The following FAIM2 variants were observed in gnomAD, a reference collection of about 807,000 sequenced individuals.
The protein encoded by FAIM2 is Fas apoptotic inhibitory molecule 2, also known as protein lifeguard 2.
FAIM2 carries 27 observed loss-of-function variants against 47.4 expected under a neutral mutation model. The ratio of observed to expected loss-of-function variants is 0.57; its 90% CI spans 0.42 to 0.78. The LOEUF is 0.78. Among genes scored for constraint, FAIM2 ranks in the 30% least tolerant of loss-of-function variants. The pLI, the probability that FAIM2 is intolerant of heterozygous loss-of-function variation, is 0.00. For synonymous variants in FAIM2, 156 were observed against 159.3 expected (o/e 0.98, Z 0.16); for missense variants, 311 against 389.4 (o/e 0.80, Z 1.69).
chr12:49,880,578 A>G (rs1946813011), intron 11 of FAIM2, among the ~76,000 whole-genome samples: 1 of 123,252 alleles, frequency 8.1e-6, no homozygotes, highest in Admixed American at 8.0e-5. Flanking sequence ...GTATCTGTGC[A>G]TGTGTATATG....
chr12:49,903,623 G>T (rs1289528080), intron 1 of FAIM2, among the ~76,000 whole-genome samples, 155 bp downstream of exon 1: 1 of 152,232 alleles, frequency 6.6e-6, no homozygotes, highest in Non-Finnish European at 1.5e-5. Context: ...CCTTGACACC[G>T]GCCTTTCGGT....
intron 2 of FAIM2, among the ~76,000 whole-genome samples, chr12:49,898,920 T>C (rs935346392): frequency 2.0e-4 from 31 of 151,652 alleles, no homozygotes; most frequent in Admixed American, 5.9e-4. Context: ...AACCAGGGCT[T>C]CAGGGGGTGG....
Position 49,901,203 on chromosome 12 carries a change from C to T in FAIM2, c.138G>A (p.Gly46=). 1 of 1,611,444 alleles carries T rather than the reference C, an allele frequency of 6.2e-7. No homozygotes were observed. Among genetic ancestry groups the T allele is most frequent in the East Asian group, 2.2e-5 (1 of 44,546 alleles). Residue 46 remains glycine (G), a synonymous_variant, in exon 2 of 12, where the codon GGG becomes GGA. Transcript: ENST00000320634. ...PSYEEATSGE[G]MKAGAFPPAP... The stretch of plus-strand genomic sequence containing the variant: ...CTGGGGGGAAGGCCCCTGCCTTCAT[C>T]CCCTCCCCAGAGGTGGCTTCCTCAT...
intron 11 of FAIM2, among the ~76,000 whole-genome samples, chr12:49,871,854 C>A (rs754542426): frequency 6.6e-6 from 1 of 152,010 alleles, no homozygotes; most frequent in African/African-American, 2.4e-5. Flanking sequence ...TTAGCAGAGA[C>A]GGGTTTTCTC....
Position 49,867,545 on chromosome 12 carries a change from C to CT in FAIM2, c.*2958_*2959insA, listed in dbSNP as rs1190823694. 1 of 152,238 alleles carries CT rather than the reference C, an allele frequency of 6.6e-6. No individual in the cohort carries two copies. Among genetic ancestry groups the CT allele is most frequent in the African/African-American group, 2.4e-5 (1 of 41,442 alleles). 9.4% of individuals were successfully genotyped at this position (152,238 alleles called of 1,614,324 possible). On this transcript the variant is annotated 3_prime_UTR_variant, in exon 12 of 12. Transcript: ENST00000320634. ...GAGTCCCAGACTCGTGTGTGCCTCC[C>CT]GGGCCCCCATCTGCAGCTTCCAGAA...
chr12:49,891,004 C>A lies in FAIM2; in HGVS notation c.485+60G>T, dbSNP rs899350290. The A allele has an allele frequency of 4.0e-5, 63 of 1,556,730 alleles. 1 individual carries two copies. The Middle Eastern group carries it at 2.0e-3, about 50-fold the overall frequency. On this transcript the variant is annotated intron_variant, in intron 6 of 11. Coordinates refer to ENST00000320634, the MANE Select transcript of FAIM2 (RefSeq NM_012306.4). ...TCACTGGTGGCTGGCAGGGCTGGGG[C>A]CAGAATTTTCATGATCCTGCTCATA...
rs888870729 is a variant in FAIM2, at chr12:49,889,416, C to T, written c.651+65G>A. On this transcript the variant is annotated intron_variant, in intron 9 of 11. Coordinates refer to ENST00000320634, the MANE Select transcript of FAIM2 (RefSeq NM_012306.4). ...CCAGGTCCGAGCTCTGAGGCCCCCA[C>T]CCCATCTGCCTTCCCCTGCTCAGCC... is the stretch of plus-strand genomic sequence containing the variant. 206 of 1,464,516 alleles carry T rather than the reference C, an allele frequency of 1.4e-4. 1 individual carries two copies. Among genetic ancestry groups the T allele is most frequent in the East Asian group, 3.4e-4 (15 of 44,128 alleles). The allele number at this position is 1,464,516 out of a possible 1,614,324, so 90.7% of individuals were successfully genotyped here.
At chr12:49,902,615 G>A (rs1402331185) in intron 1 of FAIM2, among the ~76,000 whole-genome samples, 3 of 152,144 alleles carry the variant, frequency 2.0e-5, no homozygotes, top group Non-Finnish European at 4.4e-5. Context: ...AGGCAGGGTG[G>A]AGGTGGAAGG....
intron 5 of FAIM2, among the ~76,000 whole-genome samples, chr12:49,893,607 C>T (rs1274353814): frequency 6.6e-6 from 1 of 152,196 alleles, no homozygotes; most frequent in Non-Finnish European, 1.5e-5. Flanking sequence ...AAAAACGAAA[C>T]AAGAGATGCA....
chr12:49,889,984 C>G, intron 8 of FAIM2, 133 bp downstream of exon 8: 1 of 849,264 alleles, frequency 1.2e-6, no homozygotes, highest in Non-Finnish European at 1.9e-6. Flanking sequence ...TAGGCCAAAG[C>G]CTCCTGCATG....
In FAIM2 at chr12:49,874,517, G is replaced by C. The variant is rs1295228172; in HGVS notation, c.802-3864C>G. Among the ~76,000 whole-genome samples the C allele has an allele frequency of 6.6e-6, 1 of 152,168 alleles. No individual in the cohort carries two copies. Among genetic ancestry groups the C allele is most frequent in the African/African-American group, 2.4e-5 (1 of 41,448 alleles). ...ACTTTACTGGCCAGTGCTAAACCTG[G>C]CCGGGGACCCCAGCCACACATTTGG... On this transcript the variant is annotated intron_variant, in intron 11 of 11. Transcript: ENST00000320634. The surrounding 1 kb of genome is among the most constrained non-coding windows in gnomAD (Gnocchi z 4.2).
chr12:49,889,290 G>T, intron 9 of FAIM2, 88 bp from the exon 10 acceptor site: 2 of 1,113,850 alleles, frequency 1.8e-6, no homozygotes, highest in Non-Finnish European at 2.7e-6. Flanking sequence ...GCAGGCCACA[G>T]TCTTGTGCTT....
chr12:49,879,028 GTGTC>G (rs61724010), intron 11 of FAIM2, among the ~76,000 whole-genome samples: 2,231 of 136,016 alleles, frequency 0.016, 445 homozygotes, highest in African/African-American at 0.059. Context: ...GTGTATGTGT[GTGTC>G]TGTGTGCATG....
At chr12:49,872,183 G>T (rs1380277643) in intron 11 of FAIM2, among the ~76,000 whole-genome samples, 2 of 152,138 alleles carry the variant, frequency 1.3e-5, no homozygotes, top group East Asian at 3.8e-4. Context: ...CGTCATGGGG[G>T]ACACTTATAG....
intron 11 of FAIM2, among the ~76,000 whole-genome samples, chr12:49,882,123 C>T (rs952903351): frequency 2.6e-5 from 4 of 152,254 alleles, no homozygotes; most frequent in Non-Finnish European, 1.5e-5. Context: ...AGGCGACACA[C>T]GTGCCAGGGA....
rs1464533132 is a variant in FAIM2, at chr12:49,898,004, G to A, written c.298C>T (p.Arg100Ter). 1.9e-6 allele frequency: 3 copies of A among 1,613,652 alleles called. No individual in the cohort carries two copies. Among genetic ancestry groups the A allele is most frequent in the Non-Finnish European group, 2.5e-6 (3 of 1,179,662 alleles). Residue 100 changes from arginine to a stop codon, truncating the protein, a stop_gained, in exon 3 of 12, where the codon CGA (arginine) becomes TGA (stop). Coordinates refer to ENST00000320634, the MANE Select transcript of FAIM2 (RefSeq NM_012306.4). LOFTEE classifies it high-confidence loss of function. ...TFSWDDQKVRRVFVRKVYTIL... is the reference protein window; with the variant it reads ...TFSWDDQKVR ...GGCATTACCTTTCTGACAAAGACTC[G>A]ACGAACTTTCTGGTCATCCCAGCTG...
intron 11 of FAIM2, among the ~76,000 whole-genome samples, chr12:49,880,769 T>C (rs554199923): frequency 1.3e-5 from 2 of 152,094 alleles, no homozygotes; most frequent in South Asian, 4.1e-4. Flanking sequence ...TGTGGGTATG[T>C]GTGTATATGA....
intron 11 of FAIM2, among the ~76,000 whole-genome samples, chr12:49,881,922 G>A (rs1030244848): frequency 1.3e-5 from 2 of 152,226 alleles, no homozygotes; most frequent in East Asian, 1.9e-4. Context: ...TCCACTGGGC[G>A]GCCTGCCCTC....
intron 2 of FAIM2, among the ~76,000 whole-genome samples, chr12:49,898,926 G>A (rs960032140): frequency 1.3e-5 from 2 of 152,120 alleles, no homozygotes; most frequent in Admixed American, 6.5e-5. Flanking sequence ...GGCTTCAGGG[G>A]GTGGGGGGCT....
Sources: gnomAD v4.1 joint callset for allele counts (sites outside exome capture counted in the v4.1 genomes callset) on GRCh38, gnomAD v4.1.1 for gene constraint, Gnocchi (gnomAD v3.1) non-coding constraint, MANE v1.5 for transcripts, NCBI Gene and HGNC (gene_info 2026-07-23, HGNC 2026-07-21) for gene names.